HTR4: variants seen among roughly 807,000 people sequenced by gnomAD.
The protein encoded by HTR4 is 5-hydroxytryptamine receptor 4.
HTR4 carries 16 observed loss-of-function variants against 36.8 expected under a neutral mutation model. The ratio of observed to expected loss-of-function variants is 0.43; its 90% CI spans 0.29 to 0.66. The LOEUF is 0.66. Ranked by LOEUF, HTR4 falls within the 30% of genes least tolerant of loss-of-function variation. The probability of loss-of-function intolerance (pLI) is 0.13; values close to 1 mark genes in which losing one functional copy is unlikely to be tolerated. For missense variants in HTR4, 438 were observed against 490.9 expected (o/e 0.89, Z 1.02); for synonymous variants, 189 against 185.1 (o/e 1.02, Z -0.17).
intron 6 of HTR4, among the ~76,000 whole-genome samples, chr5:148,503,479 G>T (rs577601269): frequency 2.0e-5 from 3 of 152,242 alleles, no homozygotes; most frequent in Non-Finnish European, 2.9e-5. Context: ...CCCTAAAAGA[G>T]CTCCTTAAGG....
chr5:148,538,593 A>G (rs1758948072), intron 4 of HTR4, among the ~76,000 whole-genome samples: 1 of 152,186 alleles, frequency 6.6e-6, no homozygotes, highest in African/African-American at 2.4e-5. Context: ...AGCCAAGCTA[A>G]GAGCCAAATC....
intron 4 of HTR4, among the ~76,000 whole-genome samples, chr5:148,525,108 T>A (rs1188001310): frequency 6.6e-6 from 1 of 152,186 alleles, no homozygotes; most frequent in Admixed American, 6.6e-5. Context: ...GAAAAACCAT[T>A]GTCTCCATTA....
chr5:148,558,203 G>T (rs1760043327), intron 2 of HTR4, among the ~76,000 whole-genome samples: 1 of 151,930 alleles, frequency 6.6e-6, no homozygotes, highest in African/African-American at 2.4e-5. Context: ...GAGTACAAGG[G>T]CATTCTGACT....
Position 148,559,379 on chromosome 5 carries a change from G to A in HTR4, c.27-9117C>T, listed in dbSNP as rs771972090. On this transcript the variant is annotated intron_variant, in intron 2 of 6. Transcript: ENST00000377888. ...AAATCTGAGTTTAACATATAGGAGCGATAAACTCAGATAATAATCACATTG... is the reference window on the plus strand; with the variant it reads ...AAATCTGAGTTTAACATATAGGAGCAATAAACTCAGATAATAATCACATTG... Among the ~76,000 whole-genome samples the A allele has an allele frequency of 4.6e-4, 70 of 152,014 alleles. 1 individual carries two copies. Among genetic ancestry groups the A allele is most frequent in the Admixed American group, 3.0e-3 (45 of 15,248 alleles).
At chr5:148,594,317 C>A (rs1490679977) in intron 2 of HTR4, among the ~76,000 whole-genome samples, 1 of 150,860 alleles carries the variant, frequency 6.6e-6, no homozygotes, top group African/African-American at 2.4e-5. Flanking sequence ...TCAATAAGTT[C>A]TTTTCTGGCT....
intron 4 of HTR4, among the ~76,000 whole-genome samples, chr5:148,537,052 T>A (rs1022626339): frequency 6.6e-6 from 1 of 152,108 alleles, no homozygotes; most frequent in African/African-American, 2.4e-5. Context: ...CAGACCACGA[T>A]GCAATAAAAA....
intron 5 of HTR4, among the ~76,000 whole-genome samples, chr5:148,468,161 G>A (rs541515321): frequency 6.6e-6 from 1 of 152,302 alleles, no homozygotes; most frequent in East Asian, 1.9e-4. Context: ...GACAGGCCAG[G>A]GATTGGTTGG....
At chr5:148,598,471 G>A (rs1297527674) in intron 2 of HTR4, among the ~76,000 whole-genome samples, 3 of 151,976 alleles carry the variant, frequency 2.0e-5, no homozygotes, top group African/African-American at 7.3e-5. Context: ...AGAAACACTT[G>A]AACCCGGGAG....
chr5:148,454,596 C>T (rs1291346873), intron 5 of HTR4, among the ~76,000 whole-genome samples: 2 of 152,108 alleles, frequency 1.3e-5, no homozygotes, highest in African/African-American at 2.4e-5. Context: ...TAGAAGCCTC[C>T]CTGACTTTGC....
chr5:148,481,337 T>C, downstream of HTR4: 1 of 555,786 alleles, frequency 1.8e-6, no homozygotes, highest in Non-Finnish European at 3.2e-6. Flanking sequence ...ATAAACTTTC[T>C]TCATATGTGA....
rs547421278 is a variant in HTR4 at position 148,634,399 on chromosome 5, T to C, written c.26+2590A>G. On this transcript the variant is annotated intron_variant, in intron 2 of 6. Transcript: ENST00000377888. ...ACATATGTATTGAAATAAAATATCA[T>C]ATAAAAGAAGGCAATGCAGTTTTAT... is the stretch of plus-strand genomic sequence containing the variant. Among the ~76,000 whole-genome samples, 4 of 152,294 alleles carry C rather than the reference T, an allele frequency of 2.6e-5. No homozygotes were observed. The South Asian group carries it at 6.2e-4, about 24-fold the overall frequency.
chr5:148,523,648 A>C (rs116246032), intron 4 of HTR4, among the ~76,000 whole-genome samples: 4,051 of 152,252 alleles, frequency 0.027, 93 homozygotes, highest in South Asian at 0.049. Context: ...CTGGCCTGTG[A>C]GTTTCTGTTA....
intron 6 of HTR4, among the ~76,000 whole-genome samples, chr5:148,487,309 G>A (rs1581367256): frequency 6.6e-6 from 1 of 152,086 alleles, no homozygotes; most frequent in East Asian, 1.9e-4. Flanking sequence ...TATGTGGTGG[G>A]AAGTTTTATA....
chr5:148,521,045 T>C (rs1757990098), intron 5 of HTR4: 1 of 1,354,390 alleles, frequency 7.4e-7, no homozygotes, highest in Non-Finnish European at 9.9e-7. Context: ...GAGGGTCCTG[T>C]TGCTCTTAAT....
At chr5:148,575,934 A>C (rs1259495519) in intron 2 of HTR4, among the ~76,000 whole-genome samples, 1 of 151,844 alleles carries the variant, frequency 6.6e-6, no homozygotes, top group African/African-American at 2.4e-5. Context: ...GGAAGAGAGA[A>C]AGTCAAACTA....
chr5:148,620,606 A>G (rs1277500943), intron 2 of HTR4, among the ~76,000 whole-genome samples: 1 of 152,244 alleles, frequency 6.6e-6, no homozygotes, highest in African/African-American at 2.4e-5. Context: ...GGCAGAAATA[A>G]TACTTTAGAT....
chr5:148,603,231 G>T (rs935320373), intron 2 of HTR4, among the ~76,000 whole-genome samples: 1 of 151,874 alleles, frequency 6.6e-6, no homozygotes, highest in African/African-American at 2.4e-5. Context: ...ATCATTGTGA[G>T]GTTAGTTTAA....
intron 2 of HTR4, among the ~76,000 whole-genome samples, chr5:148,632,510 T>G (rs1234294698): frequency 6.6e-6 from 1 of 151,906 alleles, no homozygotes; most frequent in Non-Finnish European, 1.5e-5. Context: ...GGGAGGTGAG[T>G]CAAGGGTAGG....
intron 6 of HTR4, among the ~76,000 whole-genome samples, chr5:148,498,589 G>C (rs1756790715): frequency 6.6e-6 from 1 of 152,106 alleles, no homozygotes; most frequent in Non-Finnish European, 1.5e-5. Flanking sequence ...TGATATAACA[G>C]GAATTAAATA....
Sources: gnomAD v4.1 joint callset for allele counts (sites outside exome capture counted in the v4.1 genomes callset) on GRCh38, gnomAD v4.1.1 for gene constraint, MANE v1.5 for transcripts, NCBI Gene and HGNC (gene_info 2026-07-23, HGNC 2026-07-21) for gene names.